The following SHE variants were observed in gnomAD, a reference collection of about 807,000 sequenced individuals.
The protein encoded by SHE is SH2 domain-containing adapter protein E.
In SHE, 11 loss-of-function variants were observed where a neutral mutation model predicts 49.8. That is an observed-to-expected ratio of 0.22 (90% CI 0.14 to 0.37). The LOEUF is 0.37. Among genes scored for constraint, SHE ranks in the 10% least tolerant of loss-of-function variants. SHE has a pLI of 1.00. For synonymous variants in SHE, 310 were observed against 278.1 expected (o/e 1.11, Z -1.14); for missense variants, 624 against 655.5 (o/e 0.95, Z 0.52).
intron 3 of SHE, among the ~76,000 whole-genome samples, chr1:154,488,005 T>A (rs1692236304): frequency 6.6e-6 from 1 of 151,068 alleles, no homozygotes; most frequent in Admixed American, 6.6e-5. Context: ...AGTGGGGAGA[T>A]CTTGGCTCAC....
Position 154,502,031 on chromosome 1 carries a change from C to G in SHE, c.-5G>C. 2 of 1,321,816 alleles carry G rather than the reference C, an allele frequency of 1.5e-6. No homozygotes were observed. The highest frequency in any genetic ancestry group is 4.3e-5 in the South Asian group (2 of 46,258). The allele number at this position is 1,321,816 out of a possible 1,614,324, so 81.9% of individuals were successfully genotyped here. On this transcript the variant is annotated 5_prime_UTR_variant, in exon 1 of 6. Coordinates refer to ENST00000304760, the MANE Select transcript of SHE (RefSeq NM_001010846.3). The stretch of plus-strand genomic sequence containing the variant: ...AGGGGTCGGGGACCACTGCATTCCC[C>G]GTGACTGGGGCGCTGGAGGCCGCGG...
At chr1:154,493,928 G>A (rs186557664) in intron 2 of SHE, among the ~76,000 whole-genome samples, 3 of 152,272 alleles carry the variant, frequency 2.0e-5, no homozygotes, top group Non-Finnish European at 1.5e-5. Context: ...GTGAATACAC[G>A]GAAGCCACAG....
chr1:154,494,565 G>A (rs1557801481), intron 2 of SHE, among the ~76,000 whole-genome samples: 1 of 150,234 alleles, frequency 6.7e-6, no homozygotes. Flanking sequence ...CGAACAGTGA[G>A]GTTCTCTTTT....
In SHE at chr1:154,480,736, T is replaced by C; in HGVS notation, c.*3413A>G. Reference sequence around the variant, plus strand: ...ATATATCAATATTTACCTTTTTGTATACATATTAACACTTCTCCATTATTT... The same window carrying C: ...ATATATCAATATTTACCTTTTTGTACACATATTAACACTTCTCCATTATTT... On this transcript the variant is annotated 3_prime_UTR_variant, in exon 6 of 6. Transcript: ENST00000304760. The C allele has an allele frequency of 1.0e-6, 1 of 985,416 alleles. No homozygotes were observed. The highest frequency in any genetic ancestry group is 1.2e-6 in the Non-Finnish European group (1 of 829,916). The allele number at this position is 985,416 out of a possible 1,614,324, so 61.0% of individuals were successfully genotyped here. A position where few individuals can be genotyped will look rare whatever the true frequency, so the allele number is the denominator to read the frequency against.
At position 154,479,789 on chromosome 1, in the gene SHE, T is replaced by G. The variant is rs1691971468; in HGVS notation, c.*4360A>C. The G allele has an allele frequency of 7.1e-6, 7 of 985,374 alleles. No homozygotes were observed. Among genetic ancestry groups the G allele is most frequent in the Non-Finnish European group, 8.4e-6 (7 of 829,892 alleles). The allele number at this position is 985,374 out of a possible 1,614,324, so 61.0% of individuals were successfully genotyped here. On this transcript the variant is annotated 3_prime_UTR_variant, in exon 6 of 6. Coordinates refer to ENST00000304760, the MANE Select transcript of SHE (RefSeq NM_001010846.3). ...GCCAGCATATTAATTAAAATACAAT[T>G]TGAGATTCTAAATTACACGATCCAG...
Position 154,482,589 on chromosome 1 carries a change from T to C in SHE, c.*1560A>G, listed in dbSNP as rs1692049949. ...CAGTACATTTGCATATGGGGCAGTT[T>C]TGAGACCCAAATGACCAACCCCAGA... On this transcript the variant is annotated 3_prime_UTR_variant, in exon 6 of 6. Coordinates refer to ENST00000304760, the MANE Select transcript of SHE (RefSeq NM_001010846.3). The C allele has an allele frequency of 2.0e-6, 2 of 985,328 alleles. No individual in the cohort carries two copies. Among genetic ancestry groups the C allele is most frequent in the South Asian group, 4.7e-5 (1 of 21,298 alleles). The allele number at this position is 985,328 out of a possible 1,614,324, so 61.0% of individuals were successfully genotyped here.
Position 154,480,911 on chromosome 1 carries a change from G to A in SHE, c.*3238C>T, listed in dbSNP as rs766158054. 36 of 985,154 alleles carry A rather than the reference G, an allele frequency of 3.7e-5. No individual in the cohort carries two copies. The highest frequency in any genetic ancestry group is 4.2e-5 in the Non-Finnish European group (35 of 829,852). 61.0% of individuals were successfully genotyped at this position (985,154 alleles called of 1,614,324 possible). A position where few individuals can be genotyped will look rare whatever the true frequency, so the allele number is the denominator to read the frequency against. On this transcript the variant is annotated 3_prime_UTR_variant, in exon 6 of 6. Transcript: ENST00000304760. ...GAACTTGTCCAGTCATCGCAAGCAAGTATTTTTTTTAAAGAAGGTGTGATC... is the reference window on the plus strand; with the variant it reads ...GAACTTGTCCAGTCATCGCAAGCAAATATTTTTTTTAAAGAAGGTGTGATC...
At chr1:154,485,709 A>G (rs1281740331) in intron 5 of SHE, 3 of 459,816 alleles carry the variant, frequency 6.5e-6, no homozygotes, top group Non-Finnish European at 1.2e-5. Flanking sequence ...ACTAATGCAC[A>G]AAGATAATGC....
chr1:154,484,169 C>G lies in SHE; in HGVS notation c.1468G>C (p.Val490Leu). ...GAATCTTAGTGAAGCTTGCTGTGCA[C>G]TGGGTAGAGTAAAGTCATGTGTTCT... is the stretch of plus-strand genomic sequence containing the variant. Reference protein sequence around the residue: ...GAEHMTLLYPVHSKLH With the variant: ...GAEHMTLLYPLHSKLH The change falls in exon 6 of 6, where the codon GTG becomes CTG. Residue 490 changes from valine to leucine, a missense_variant. Physicochemically the swap from Val to Leu is conservative, Grantham distance 32. This residue lies in a region of SHE where 125 missense variants were observed against 181.7 expected (regional missense o/e 0.69). Coordinates refer to ENST00000304760, the MANE Select transcript of SHE (RefSeq NM_001010846.3). The G allele has an allele frequency of 6.2e-7, 1 of 1,613,974 alleles. No individual in the cohort carries two copies. The highest frequency in any genetic ancestry group is 8.5e-7 in the Non-Finnish European group (1 of 1,179,908).
downstream of SHE, among the ~76,000 whole-genome samples, chr1:154,474,697 G>T (rs890055169): frequency 2.6e-5 from 4 of 152,066 alleles, no homozygotes; most frequent in South Asian, 2.1e-4. Flanking sequence ...TAGAGATGGG[G>T]TTTTGCTATG....
intron 2 of SHE, among the ~76,000 whole-genome samples, chr1:154,494,687 T>C (rs1475747964): frequency 6.6e-6 from 1 of 152,178 alleles, no homozygotes; most frequent in Non-Finnish European, 1.5e-5. Context: ...CTGAATGACA[T>C]GGTATTTTCA....
chr1:154,493,685 C>A (rs1392295800), intron 2 of SHE, among the ~76,000 whole-genome samples: 1 of 152,194 alleles, frequency 6.6e-6, no homozygotes, highest in African/African-American at 2.4e-5. Flanking sequence ...CATGAAAACA[C>A]AAAAACAAGA....
intron 2 of SHE, among the ~76,000 whole-genome samples, chr1:154,495,253 T>G (rs1692489947): frequency 6.6e-6 from 1 of 152,252 alleles, no homozygotes; most frequent in African/African-American, 2.4e-5. Flanking sequence ...AAACTCCTAA[T>G]GCTAGATTAT....
chr1:154,489,224 C>T lies in SHE; in HGVS notation c.851G>A (p.Gly284Glu). ...AKRRSSKDLL[G>E]KPPQLYDTPY... is the part of the protein sequence containing the mutation. ...AGTGTCGTATAGCTGTGGCGGCTTCCCCAGGAGGTCCTTGGAACTCCGTCT... is the reference window on the plus strand; with the variant it reads ...AGTGTCGTATAGCTGTGGCGGCTTCTCCAGGAGGTCCTTGGAACTCCGTCT... The change falls in exon 3 of 6, where the codon GGG becomes GAG. Residue 284 changes from glycine to glutamate, a missense_variant. By Grantham distance (98) the Gly-to-Glu change is moderately conservative. Transcript: ENST00000304760. 5 of 1,614,170 alleles carry T rather than the reference C, an allele frequency of 3.1e-6. No individual in the cohort carries two copies. The highest frequency in any genetic ancestry group is 4.2e-6 in the Non-Finnish European group (5 of 1,180,028).
chr1:154,499,458 C>T (rs1277913428), intron 1 of SHE, among the ~76,000 whole-genome samples: 2 of 152,188 alleles, frequency 1.3e-5, no homozygotes, highest in South Asian at 2.1e-4. Context: ...AACTCTTTCA[C>T]TTATCCCCAA....
Position 154,501,914 on chromosome 1 carries a change from G to A in SHE, c.113C>T (p.Ala38Val). 6.7e-7 allele frequency: 1 copy of A among 1,500,188 alleles called. No homozygotes were observed. Among genetic ancestry groups the A allele is most frequent in the Non-Finnish European group, 8.8e-7 (1 of 1,133,620 alleles). The allele number at this position is 1,500,188 out of a possible 1,614,324, so 92.9% of individuals were successfully genotyped here. ...GGGGAACTCCTTGAACCACTTGGCC[G>A]CCATGAGGGGGCCCCGGCCGGCTCG... The part of the protein sequence containing the change: ...LGRAGRGPLM[A>V]AKWFKEFPLN... The change falls in exon 1 of 6, where the codon GCG becomes GTG. Residue 38 changes from alanine to valine, a missense_variant. Ala to Val is a moderately conservative substitution (Grantham distance 64, BLOSUM62 0). Coordinates refer to ENST00000304760, the MANE Select transcript of SHE (RefSeq NM_001010846.3).
chr1:154,494,596 A>G (rs954521816), intron 2 of SHE, among the ~76,000 whole-genome samples: 2 of 151,688 alleles, frequency 1.3e-5, no homozygotes, highest in Admixed American at 1.3e-4. Context: ...ATTTAAACAA[A>G]CCAACAAAAT....
At position 154,484,180 on chromosome 1, in the gene SHE, A is replaced by C. The variant is rs1692101725; in HGVS notation, c.1457T>G (p.Leu486Ter). Reference sequence around the variant, plus strand: ...AAGCTTGCTGTGCACTGGGTAGAGTAAAGTCATGTGTTCTGCCCCTTTGAA... The same window carrying C: ...AAGCTTGCTGTGCACTGGGTAGAGTCAAGTCATGTGTTCTGCCCCTTTGAA... ...LPFKGAEHMT[L>*]LYPVHSKLH The change falls in exon 6 of 6, where the codon TTA becomes TGA. Residue 486 changes from leucine (L) to a stop codon, truncating the protein, a stop_gained. Transcript: ENST00000304760. LOFTEE classifies it high-confidence loss of function. 2 of 1,614,176 alleles carry C rather than the reference A, an allele frequency of 1.2e-6. No homozygotes were observed. The highest frequency in any genetic ancestry group is 8.5e-7 in the Non-Finnish European group (1 of 1,180,012).
In SHE at chr1:154,482,320, C is replaced by G. The variant is rs1429328569; in HGVS notation, c.*1829G>C. On this transcript the variant is annotated 3_prime_UTR_variant, in exon 6 of 6. Coordinates refer to ENST00000304760, the MANE Select transcript of SHE (RefSeq NM_001010846.3). ...TGAGCCACCGCACCCAGCCTACATT[C>G]TTTATTAATAAAATCATTGTGTTCC... The G allele has an allele frequency of 1.0e-6, 1 of 985,200 alleles. No homozygotes were observed. 61.0% of individuals were successfully genotyped at this position (985,200 alleles called of 1,614,324 possible). A position where few individuals can be genotyped will look rare whatever the true frequency, so the allele number is the denominator to read the frequency against.
Sources: gnomAD v4.1 joint callset for allele counts (sites outside exome capture counted in the v4.1 genomes callset) on GRCh38, gnomAD v4.1.1 for gene constraint, gnomAD v4.1.1 regional missense constraint, MANE v1.5 for transcripts, NCBI Gene and HGNC (gene_info 2026-07-23, HGNC 2026-07-21) for gene names.